The following ANAPC5 variants were observed in gnomAD, a reference collection of about 807,000 sequenced individuals.
The protein encoded by ANAPC5 is anaphase promoting complex subunit 5.
A neutral mutation model predicts 91.3 loss-of-function variants in ANAPC5; 60 were observed. The observed-to-expected ratio is 0.66, with a 90% CI of 0.53 to 0.81. The LOEUF is 0.81. ANAPC5 is among the 40% of genes least tolerant of loss of function. The pLI, the probability that ANAPC5 is intolerant of heterozygous loss-of-function variation, is 0.00. For synonymous variants in ANAPC5, 340 were observed against 364.1 expected (o/e 0.93, Z 0.75); for missense variants, 690 against 931.5 (o/e 0.74, Z 3.37).
rs1382733381 is a variant in ANAPC5 at position 121,318,369 on chromosome 12, G to A, written c.1801C>T (p.Leu601=). 6.2e-7 allele frequency: 1 copy of A among 1,612,390 alleles called. No individual in the cohort carries two copies. Residue 601 remains leucine, a synonymous_variant, in exon 15 of 17, where the codon CTG becomes TTG. Transcript: ENST00000261819. ...GCCAGAGCCTGCAGGAGCATGGGCA[G>A]CGCGATGGTAGGGGAGGAAGATCGC... ...YWRSSSPTIA[L]PMLLQALALS... is the part of the protein sequence containing the mutation.
chr12:121,328,545 G>C (rs1555272553), intron 9 of ANAPC5, 48 bp from the exon 10 acceptor site: 2 of 1,571,880 alleles, frequency 1.3e-6, no homozygotes, highest in Non-Finnish European at 1.7e-6. Context: ...TTACATGACA[G>C]AATTTGTTTT....
chr12:121,329,914 CAGAT>C (rs1363867949), intron 9 of ANAPC5, among the ~76,000 whole-genome samples: 4 of 152,196 alleles, frequency 2.6e-5, no homozygotes, highest in African/African-American at 9.7e-5. Context: ...CACGCCCAGC[CAGAT>C]AAGCCTTTTC....
chr12:121,327,017 G>A, intron 11 of ANAPC5, 79 bp downstream of exon 11: 1 of 1,490,926 alleles, frequency 6.7e-7, no homozygotes, highest in African/African-American at 1.4e-5. Flanking sequence ...CGTGTCCAGT[G>A]CTTTCCTCAA....
rs1555272359 is a variant in ANAPC5 at position 121,327,150 on chromosome 12, G to GT, written c.1385dup (p.Asn462LysfsTer27). The GT allele has an allele frequency of 6.2e-7, 1 of 1,613,332 alleles. No homozygotes were observed. Among genetic ancestry groups the GT allele is most frequent in the South Asian group, 1.1e-5 (1 of 91,064 alleles). ...AGAGTGCGACAGCAAAGGACTCTGT[G>GT]TTGTTCTGCTGCACGCCCGCATTCA... On this transcript the variant is annotated frameshift_variant, in exon 11 of 17. Coordinates refer to ENST00000261819, the MANE Select transcript of ANAPC5 (RefSeq NM_016237.5). LOFTEE classifies it high-confidence loss of function.
At chr12:121,343,827 C>G (rs1451445714) in intron 4 of ANAPC5, among the ~76,000 whole-genome samples, 1 of 152,172 alleles carries the variant, frequency 6.6e-6, no homozygotes, top group Non-Finnish European at 1.5e-5. Flanking sequence ...CTCCTTAGGG[C>G]AGGTGGGGCT....
intron 5 of ANAPC5, among the ~76,000 whole-genome samples, chr12:121,340,637 C>T (rs35481664): frequency 0.042 from 6,370 of 151,756 alleles, 166 homozygotes; most frequent in South Asian, 0.082. Flanking sequence ...ACCGCAACCT[C>T]CACCTCCCGG....
chr12:121,351,460 T>C (rs905872433), intron 1 of ANAPC5, among the ~76,000 whole-genome samples: 2 of 151,286 alleles, frequency 1.3e-5, no homozygotes, highest in Non-Finnish European at 2.9e-5. Flanking sequence ...CTTGGCTTTA[T>C]GCCTTTTTTT....
chr12:121,330,705 C>T (rs782012994), intron 8 of ANAPC5, 33 bp from the exon 9 acceptor site: 13 of 1,557,700 alleles, frequency 8.3e-6, no homozygotes, highest in African/African-American at 1.4e-5. Flanking sequence ...TATATCATAA[C>T]AGTGGCAATG....
At chr12:121,352,464 T>A, upstream of ANAPC5, 2 of 780,270 alleles carry the variant, frequency 2.6e-6, no homozygotes, top group Non-Finnish European at 4.1e-6. Context: ...GACATCCGCG[T>A]GCTCGCGGCA....
rs375423567 is a variant in ANAPC5 at position 121,310,734 on chromosome 12, G to C, written c.1894-871C>G. Among the ~76,000 whole-genome samples the C allele has an allele frequency of 3.2e-4, 48 of 152,144 alleles. No individual in the cohort carries two copies. The South Asian group carries it at 9.8e-3, about 31-fold the overall frequency. Reference sequence around the variant, plus strand: ...AGATCACTTGAGGTCAGGGGTTCGAGACCAGCCTGGCCAACATGGTGAAAC... The same window carrying C: ...AGATCACTTGAGGTCAGGGGTTCGACACCAGCCTGGCCAACATGGTGAAAC... On this transcript the variant is annotated intron_variant, in intron 15 of 16. Coordinates refer to ENST00000261819, the MANE Select transcript of ANAPC5 (RefSeq NM_016237.5).
At chr12:121,347,338 C>T (rs781848730) in intron 2 of ANAPC5, 30 of 281,568 alleles carry the variant, frequency 1.1e-4, no homozygotes, top group Non-Finnish European at 1.8e-4. Context: ...CTTAATGTTA[C>T]CCATTTTTCA....
At position 121,318,296 on chromosome 12, in the gene ANAPC5, A is replaced by G; in HGVS notation, c.1874T>C (p.Leu625Pro). The G allele has an allele frequency of 3.9e-6, 6 of 1,557,506 alleles. No homozygotes were observed. Among genetic ancestry groups the G allele is most frequent in the Non-Finnish European group, 4.3e-6 (5 of 1,155,014 alleles). The change falls in exon 15 of 17, where the codon CTG becomes CCG. Residue 625 changes from leucine (L) to proline (P), a missense_variant. Transcript: ENST00000261819. ...RLQYLASETV[L>P]NLAFAQLILG... ...GCTTACCTGCGCAAAAGCCAAGTTC[A>G]GCACTGTTTCAGAGGCCAAGTACTG... is the stretch of plus-strand genomic sequence containing the variant.
At chr12:121,321,877 T>C (rs1215432870) in intron 11 of ANAPC5, among the ~76,000 whole-genome samples, 2 of 150,680 alleles carry the variant, frequency 1.3e-5, no homozygotes, top group Non-Finnish European at 3.0e-5. Flanking sequence ...TGTTGCTTTT[T>C]TTTTTCTGAG....
intron 8 of ANAPC5, 59 bp downstream of exon 8, chr12:121,331,288 C>T: frequency 2.8e-6 from 4 of 1,435,240 alleles, no homozygotes; most frequent in Non-Finnish European, 2.9e-6. Context: ...TTCAACGGGG[C>T]CTTGTGAAGG....
intron 5 of ANAPC5, among the ~76,000 whole-genome samples, chr12:121,340,733 G>GTGT (rs1566194335): frequency 6.7e-6 from 1 of 150,252 alleles, no homozygotes; most frequent in East Asian, 2.0e-4. Flanking sequence ...TTGTGTGTGT[G>GTGT]TTTTTTTTAG....
At chr12:121,339,665 CACCA>C (rs1368614505) in intron 5 of ANAPC5, among the ~76,000 whole-genome samples, 1 of 151,922 alleles carries the variant, frequency 6.6e-6, no homozygotes, top group Non-Finnish European at 1.5e-5. Context: ...GACGGGGTTT[CACCA>C]TGTTGGTCAG....
chr12:121,327,050 G>C, intron 11 of ANAPC5, 46 bp downstream of exon 11: 1 of 1,547,944 alleles, frequency 6.5e-7, no homozygotes, highest in Non-Finnish European at 8.7e-7. Flanking sequence ...AGAAATGGTA[G>C]AGCCTCCATT....
chr12:121,352,215 G>A lies in ANAPC5; in HGVS notation c.126C>T (p.Asn42=), dbSNP rs1555275472. The change falls in exon 1 of 17, where the codon AAC becomes AAT. Residue 42 remains asparagine (N), a synonymous_variant. Transcript: ENST00000261819. ...PYKIAVLVLL[N]EMSRTGEGAV... is the part of the protein sequence containing the mutation. ...CGCCCTCGCCTGTGCGGCTCATCTC[G>A]TTCAGCAGCACCAGCACCGCGATCT... The A allele has an allele frequency of 6.2e-7, 1 of 1,614,142 alleles. No individual in the cohort carries two copies. Among genetic ancestry groups the A allele is most frequent in the South Asian group, 1.1e-5 (1 of 91,082 alleles).
chr12:121,352,125 G>C lies in ANAPC5; in HGVS notation c.207+9C>G, dbSNP rs1555275443. 2 of 1,596,750 alleles carry C rather than the reference G, an allele frequency of 1.3e-6. No homozygotes were observed. The highest frequency in any genetic ancestry group is 1.8e-4 in the Middle Eastern group (1 of 5,612). On this transcript the variant is annotated intron_variant, in intron 1 of 16. Coordinates refer to ENST00000261819, the MANE Select transcript of ANAPC5 (RefSeq NM_016237.5). ...GCTGCACGAGCAGGAGCCAGCGGGCGCCTCTCACCTGCAGCAGGGGCAGGA... is the reference window on the plus strand; with the variant it reads ...GCTGCACGAGCAGGAGCCAGCGGGCCCCTCTCACCTGCAGCAGGGGCAGGA...
Sources: allele counts gnomAD v4.1 joint callset (sites outside exome capture counted in the v4.1 genomes callset), GRCh38; gene constraint gnomAD v4.1.1; transcripts MANE v1.5; gene names NCBI Gene and HGNC (gene_info 2026-07-23, HGNC 2026-07-21).